Variants in KDM4C observed in about 807,000 individuals in gnomAD.
KDM4C encodes lysine-specific demethylase 4C.
A neutral mutation model predicts 129.3 loss-of-function variants in KDM4C; 81 were observed. That is an observed-to-expected ratio of 0.63 (90% CI 0.52 to 0.75). The LOEUF is 0.75. KDM4C is among the 30% of genes least tolerant of loss of function. KDM4C has a pLI of 0.00. For missense variants in KDM4C, 1,457 were observed against 1,304.0 expected, an observed-to-expected ratio of 1.12 and a Z score of -1.81; for synonymous variants, 573 against 456.1, an observed-to-expected ratio of 1.26 and a Z score of -3.26.
intron 1 of KDM4C, among the ~76,000 whole-genome samples, chr9:6,749,810 A>G (rs1818009781): frequency 6.6e-6 from 1 of 151,062 alleles, no homozygotes; most frequent in Admixed American, 6.6e-5. Context: ...AACATGGTGA[A>G]ACCCTGTCTG....
chr9:7,049,336 G>A (rs987427598), intron 17 of KDM4C, 136 bp downstream of exon 17: 5 of 483,486 alleles, frequency 1.0e-5, no homozygotes, highest in Non-Finnish European at 1.8e-5. Context: ...TTTTCCTTTA[G>A]CCTAAATTTA....
upstream of KDM4C, among the ~76,000 whole-genome samples, chr9:6,756,921 G>A (rs1818328619): frequency 6.6e-6 from 1 of 152,182 alleles, no homozygotes; most frequent in South Asian, 2.1e-4. Flanking sequence ...TAATGTAACA[G>A]AAAATTCAGC....
chr9:6,917,980 T>C (rs1052881314), intron 8 of KDM4C, among the ~76,000 whole-genome samples: 3 of 152,240 alleles, frequency 2.0e-5, no homozygotes, highest in African/African-American at 7.2e-5. Context: ...ATACAAGCTG[T>C]TATTTCTCCC....
intron 19 of KDM4C, among the ~76,000 whole-genome samples, chr9:7,138,454 C>A (rs1408877678): frequency 1.3e-5 from 2 of 152,080 alleles, no homozygotes; most frequent in Non-Finnish European, 2.9e-5. Flanking sequence ...ATGTTATATG[C>A]ATAGTTTTCA....
chr9:6,725,216 C>T (rs1817083150), intron 1 of KDM4C, among the ~76,000 whole-genome samples: 1 of 151,956 alleles, frequency 6.6e-6, no homozygotes, highest in Non-Finnish European at 1.5e-5. Context: ...CACCAGGTAG[C>T]ATGTTGCAGG....
Position 6,984,412 on chromosome 9 carries a change from G to T in KDM4C, c.1354+8G>T. On this transcript the variant is annotated splice_region_variant and intron_variant, in intron 10 of 21. Coordinates refer to ENST00000381309, the MANE Select transcript of KDM4C (RefSeq NM_015061.6). ...ATCATATCAAACTCTCAGGTGAGAA[G>T]ATGGTTGATTAGGTTTCACATATAA... 6.4e-7 allele frequency: 1 copy of T among 1,573,722 alleles called. No homozygotes were observed. Among genetic ancestry groups the T allele is most frequent in the Non-Finnish European group, 8.7e-7 (1 of 1,144,012 alleles).
At chr9:7,011,673 G>A in intron 12 of KDM4C, 25 bp from the exon 13 acceptor site, 1 of 1,604,048 alleles carries the variant, frequency 6.2e-7, no homozygotes, top group Non-Finnish European at 8.5e-7. Context: ...CATGCTCATG[G>A]TATTTTCCTG....
chr9:7,063,830 C>T (rs1832045027), intron 17 of KDM4C, among the ~76,000 whole-genome samples: 1 of 152,142 alleles, frequency 6.6e-6, no homozygotes, highest in African/African-American at 2.4e-5. Flanking sequence ...GAACAGCATG[C>T]TCTGTGGCCT....
intron 17 of KDM4C, among the ~76,000 whole-genome samples, chr9:7,052,554 A>G (rs1402950847): frequency 6.6e-6 from 1 of 152,214 alleles, no homozygotes; most frequent in African/African-American, 2.4e-5. Context: ...TATTGCTCTA[A>G]AGCAAGGCAT....
rs1002669772 is a variant in KDM4C, at chr9:7,052,926, A to G, written c.2424+3726A>G. Reference sequence around the variant, plus strand: ...GCGAGCGAGTGCCCAAGGGATGACAATAGAGCATCGAAAGTACTGCTCGTG... The same window carrying G: ...GCGAGCGAGTGCCCAAGGGATGACAGTAGAGCATCGAAAGTACTGCTCGTG... On this transcript the variant is annotated intron_variant, in intron 17 of 21. Transcript: ENST00000381309. Among the ~76,000 whole-genome samples, 26 of 74,952 alleles carry G rather than the reference A, an allele frequency of 3.5e-4. 1 individual carries two copies. The highest frequency in any genetic ancestry group is 1.1e-3 in the African/African-American group (22 of 20,498). 49.2% of individuals were successfully genotyped at this position (74,952 alleles called of 152,430 possible). A position where few individuals can be genotyped will look rare whatever the true frequency, so the allele number is the denominator to read the frequency against.
chr9:6,990,597 T>G, intron 12 of KDM4C, 73 bp downstream of exon 12: 3 of 979,164 alleles, frequency 3.1e-6, no homozygotes, highest in Non-Finnish European at 4.6e-6. Flanking sequence ...TAAAAAAAAT[T>G]GCTGAATAGA....
chr9:7,052,909 G>GAGAGAGAGAGAGAGAGAGAGAGAGA (rs767668455), intron 17 of KDM4C, among the ~76,000 whole-genome samples: 2 of 100,136 alleles, frequency 2.0e-5, no homozygotes, highest in Non-Finnish European at 3.9e-5. Flanking sequence ...GAGCGAGCGA[G>GAGAGAGAGAGAGAGAGAGAGAGAGA]TGCCCAAGGG....
intron 1 of KDM4C, among the ~76,000 whole-genome samples, chr9:6,742,614 C>A (rs1040146132): frequency 1.2e-4 from 17 of 144,078 alleles, no homozygotes; most frequent in Non-Finnish European, 1.5e-4. Context: ...ACTCTGATGT[C>A]ATGAATATCA....
intron 4 of KDM4C, among the ~76,000 whole-genome samples, chr9:6,821,798 C>CT (rs1477661769): frequency 1.3e-5 from 2 of 152,092 alleles, no homozygotes; most frequent in Non-Finnish European, 2.9e-5. Context: ...CCACACCTGT[C>CT]TAATTTTTGT....
chr9:7,032,380 A>G (rs768074673), intron 15 of KDM4C, among the ~76,000 whole-genome samples: 3 of 152,128 alleles, frequency 2.0e-5, no homozygotes, highest in Non-Finnish European at 4.4e-5. Context: ...CCCCTGTCCA[A>G]CCTCCCAAAT....
rs543125529 is a variant in KDM4C at position 6,963,159 on chromosome 9, A to G, written c.922-17766A>G. 9.2e-5 allele frequency among the ~76,000 whole-genome samples: 14 copies of G among 152,320 alleles called. No homozygotes were observed. The South Asian group carries it at 2.7e-3, about 29-fold the overall frequency. ...AGGATTGAGTTGTTAAATGCAGTGT[A>G]CTTAGAATGGTGCTCAGTACTTAGT... On this transcript the variant is annotated intron_variant, in intron 8 of 21. Transcript: ENST00000381309.
chr9:6,729,576 A>T (rs1563913426), intron 1 of KDM4C, among the ~76,000 whole-genome samples: 1 of 134,068 alleles, frequency 7.5e-6, no homozygotes, highest in African/African-American at 3.2e-5. Flanking sequence ...ATAACTGATT[A>T]TTTTTGCTGT....
At chr9:6,829,625 C>T (rs1834475225) in intron 4 of KDM4C, among the ~76,000 whole-genome samples, 1 of 152,118 alleles carries the variant, frequency 6.6e-6, no homozygotes, top group South Asian at 2.1e-4. Context: ...TGGGAGACCC[C>T]CCTTTCCTAT....
intron 15 of KDM4C, among the ~76,000 whole-genome samples, chr9:7,022,642 T>C (rs1015934170): frequency 6.6e-6 from 1 of 151,384 alleles, no homozygotes; most frequent in South Asian, 2.1e-4. Flanking sequence ...TATTTCTTTT[T>C]TTTTTTTTTG....
Sources: gnomAD v4.1 joint callset for allele counts (sites outside exome capture counted in the v4.1 genomes callset) on GRCh38, gnomAD v4.1.1 for gene constraint, MANE v1.5 for transcripts, NCBI Gene and HGNC (gene_info 2026-07-23, HGNC 2026-07-21) for gene names.